AFF2: variants seen among roughly 807,000 people sequenced by gnomAD.
The protein encoded by AFF2 is ALF transcription elongation factor 2.
A neutral mutation model predicts 76.9 loss-of-function variants in AFF2; 14 were observed. That is an observed-to-expected ratio of 0.18 (90% confidence interval 0.12 to 0.28). The LOEUF is 0.28. Ranked by LOEUF, AFF2 falls within the 10% of genes least tolerant of loss-of-function variation. AFF2 has a pLI of 1.00. For synonymous variants in AFF2, 398 were observed against 366.7 expected, an observed-to-expected ratio of 1.09 and a Z score of -0.98; for missense variants, 868 against 1,001.1, an observed-to-expected ratio of 0.87 and a Z score of 1.79.
Position 148,891,375 on chromosome X carries a change from T to C in AFF2, c.1359+5390T>C, listed in dbSNP as rs1216083512. 2.7e-5 allele frequency among the ~76,000 whole-genome samples: 3 copies of C among 112,232 alleles called. No individual in the cohort carries two copies. The Admixed American group carries it at 2.8e-4, about 11-fold the overall frequency. ...TTCATTTACAGCTGAGAAGCAGTTATTGATGCTATGCTTGCAGTTCAATAA... is the reference window on the plus strand; with the variant it reads ...TTCATTTACAGCTGAGAAGCAGTTACTGATGCTATGCTTGCAGTTCAATAA... On this transcript the variant is annotated intron_variant, in intron 8 of 20. Transcript: ENST00000370460.
At chrX:148,580,589 G>A (rs1303445341) in intron 1 of AFF2, among the ~76,000 whole-genome samples, 1 of 110,414 alleles carries the variant, frequency 9.1e-6, no homozygotes, top group Non-Finnish European at 1.9e-5. Flanking sequence ...GAAATAAAAG[G>A]ATTTTTGTTG....
intron 16 of AFF2, among the ~76,000 whole-genome samples, chrX:148,977,657 A>T (rs1000973127): frequency 1.2e-4 from 12 of 99,734 alleles, no homozygotes; most frequent in Non-Finnish European, 1.6e-4. Flanking sequence ...ACACACACAC[A>T]CTCACGGTAA....
intron 1 of AFF2, among the ~76,000 whole-genome samples, chrX:148,614,710 TTTCTTTC>T (rs201614915): frequency 0.21 from 13,821 of 65,308 alleles, 1,034 homozygotes; most frequent in African/African-American, 0.26. Context: ...TCTTTCTTTC[TTTCTTTC>T]TTTCTTTCTT....
chrX:148,994,265 G>T lies in AFF2; in HGVS notation c.*2933G>T, dbSNP rs2072568086. ...ACCACAGAGAGTTTGACAAGTTTGTGTTATGATGTTGGCTTGGCTTTGTAT... is the reference window on the plus strand; with the variant it reads ...ACCACAGAGAGTTTGACAAGTTTGTTTTATGATGTTGGCTTGGCTTTGTAT... On this transcript the variant is annotated 3_prime_UTR_variant, in exon 21 of 21. Coordinates refer to ENST00000370460, the MANE Select transcript of AFF2 (RefSeq NM_002025.4). 1 of 112,175 alleles carries T rather than the reference G, an allele frequency of 8.9e-6. No homozygotes were observed. Among genetic ancestry groups the T allele is most frequent in the African/African-American group, 3.3e-5 (1 of 30,735 alleles). 9.2% of individuals were successfully genotyped at this position (112,175 alleles called of 1,213,427 possible).
chrX:148,598,976 T>G (rs1433646475), intron 1 of AFF2, among the ~76,000 whole-genome samples: 1 of 112,630 alleles, frequency 8.9e-6, no homozygotes, highest in Non-Finnish European at 1.9e-5. Context: ...TTTAAAACTG[T>G]CTTTCTCTAT....
At chrX:148,742,532 G>A (rs1254052213) in intron 3 of AFF2, among the ~76,000 whole-genome samples, 1 of 111,661 alleles carries the variant, frequency 9.0e-6, no homozygotes, top group Admixed American at 9.5e-5. Context: ...GTTTGCTGAG[G>A]AATATAGCAT....
intron 1 of AFF2, among the ~76,000 whole-genome samples, chrX:148,639,177 A>G (rs1341126421): frequency 8.9e-6 from 1 of 112,279 alleles, no homozygotes; most frequent in Non-Finnish European, 1.9e-5. Context: ...TTTGTGTAAG[A>G]TCATATTTGT....
At chrX:148,886,273 A>G (rs2071159319) in intron 8 of AFF2, among the ~76,000 whole-genome samples, 1 of 110,666 alleles carries the variant, frequency 9.0e-6, no homozygotes, top group South Asian at 3.9e-4. Context: ...AGCAATAGAG[A>G]TTGTCTTGCC....
At chrX:148,931,851 A>C (rs1389033126) in intron 9 of AFF2, among the ~76,000 whole-genome samples, 2 of 112,271 alleles carry the variant, frequency 1.8e-5, no homozygotes, top group East Asian at 5.6e-4. Flanking sequence ...TCTTAAATCC[A>C]ACAATTTGGA....
In AFF2 at chrX:148,916,589, T is replaced by C. The variant is rs17278687; in HGVS notation, c.1397+12331T>C. 8.9e-5 allele frequency among the ~76,000 whole-genome samples: 10 copies of C among 111,754 alleles called. 1 individual carries two copies. The East Asian group carries it at 2.8e-3, about 31-fold the overall frequency. On this transcript the variant is annotated intron_variant, in intron 9 of 20. Transcript: ENST00000370460. ...AAAACCAGTTGTAAATAAAAGCAGT[T>C]AATGTGGTTCAAAATAAGAATGATT...
chrX:148,777,913 C>A (rs1307065454), intron 3 of AFF2, among the ~76,000 whole-genome samples: 1 of 112,201 alleles, frequency 8.9e-6, no homozygotes, highest in African/African-American at 3.2e-5. Context: ...TGAGAGAGGG[C>A]ATCCTTGTCT....
intron 1 of AFF2, among the ~76,000 whole-genome samples, chrX:148,644,651 A>G (rs2054126208): frequency 8.9e-6 from 1 of 112,482 alleles, no homozygotes; most frequent in Admixed American, 9.4e-5. Flanking sequence ...GTATGTTTCT[A>G]CATAATAGAA....
Position 148,671,686 on chromosome X carries a change from G to T in AFF2, c.1041+8918G>T, listed in dbSNP as rs192706209. ...CACATTCAGAACAGTTTCTGACTTT[G>T]TAAGACTAGGTAAATATGGGAAGAC... On this transcript the variant is annotated intron_variant, in intron 3 of 20. Transcript: ENST00000370460. 1.9e-3 allele frequency among the ~76,000 whole-genome samples: 207 copies of T among 111,313 alleles called. 3 individuals carry two copies. The highest frequency in any genetic ancestry group is 0.017 in the Admixed American group (177 of 10,478).
At chrX:148,599,149 A>T (rs148355622) in intron 1 of AFF2, among the ~76,000 whole-genome samples, 1,537 of 112,535 alleles carry the variant, frequency 0.014, 34 homozygotes, top group African/African-American at 0.045. Flanking sequence ...CTGTGAAATG[A>T]ATATAAGTTG....
At chrX:148,680,148 A>G (rs1557259812) in intron 3 of AFF2, among the ~76,000 whole-genome samples, 2 of 112,028 alleles carry the variant, frequency 1.8e-5, no homozygotes. Flanking sequence ...TGCATAATAT[A>G]GTTTTAATCT....
chrX:148,974,995 C>T (rs1380835765), intron 16 of AFF2, among the ~76,000 whole-genome samples: 4 of 112,113 alleles, frequency 3.6e-5, no homozygotes, highest in African/African-American at 1.3e-4. Flanking sequence ...GCTCTCTATT[C>T]ATTCAAAAAT....
At chrX:148,737,600 G>A (rs2055300874) in intron 3 of AFF2, among the ~76,000 whole-genome samples, 1 of 111,467 alleles carries the variant, frequency 9.0e-6, no homozygotes, top group Non-Finnish European at 1.9e-5. Context: ...CGATTTGGAT[G>A]CACTCTATTT....
chrX:148,773,025 G>A (rs2069609405), intron 3 of AFF2, among the ~76,000 whole-genome samples: 1 of 109,749 alleles, frequency 9.1e-6, no homozygotes, highest in Non-Finnish European at 1.9e-5. Flanking sequence ...TGCACGTGCT[G>A]CATATGTATC....
chrX:148,586,952 C>T (rs1222621677), intron 1 of AFF2, among the ~76,000 whole-genome samples: 1 of 111,178 alleles, frequency 9.0e-6, no homozygotes, highest in Non-Finnish European at 1.9e-5. Flanking sequence ...CTCCCTCCAT[C>T]CTCCTTCCCC....
Sources: allele counts gnomAD v4.1 joint callset (sites outside exome capture counted in the v4.1 genomes callset), GRCh38; gene constraint gnomAD v4.1.1; transcripts MANE v1.5; gene names NCBI Gene and HGNC (gene_info 2026-07-23, HGNC 2026-07-21).